Variants in DACH2 observed in about 807,000 individuals in gnomAD.
DACH2 encodes dachshund homolog 2.
A neutral mutation model predicts 35.8 loss-of-function variants in DACH2; 17 were observed. That is an observed-to-expected ratio of 0.48 (90% confidence interval 0.33 to 0.71). The LOEUF is 0.71. Among genes scored for constraint, DACH2 ranks in the 30% least tolerant of loss-of-function variants. DACH2 has a pLI of 0.02. For missense variants in DACH2, 469 were observed against 472.7 expected, an observed-to-expected ratio of 0.99 and a Z score of 0.07; for synonymous variants, 195 against 177.3, an observed-to-expected ratio of 1.10 and a Z score of -0.79.
chrX:86,626,591 C>A (rs2040140954), intron 3 of DACH2, among the ~76,000 whole-genome samples: 1 of 113,150 alleles, frequency 8.8e-6, no homozygotes, highest in African/African-American at 3.2e-5. Flanking sequence ...CCTGCCCCTG[C>A]AGCAAGCTTC....
At chrX:86,156,451 G>A (rs1013723573) in intron 1 of DACH2, among the ~76,000 whole-genome samples, 6 of 111,330 alleles carry the variant, frequency 5.4e-5, no homozygotes, top group Non-Finnish European at 1.1e-4. Flanking sequence ...TGCAGTTATT[G>A]AAGATATACT....
chrX:86,447,127 C>A (rs1298355146), intron 2 of DACH2, among the ~76,000 whole-genome samples: 25 of 99,405 alleles, frequency 2.5e-4, no homozygotes, highest in Non-Finnish European at 4.4e-4. Flanking sequence ...CCTTTGCCCA[C>A]TTTTTGATGG....
chrX:86,422,818 C>G (rs1569393294), intron 2 of DACH2, among the ~76,000 whole-genome samples: 1 of 111,033 alleles, frequency 9.0e-6, no homozygotes, highest in Non-Finnish European at 1.9e-5. Context: ...CCAAAGTCCA[C>G]CACTATCTTT....
chrX:86,546,985 C>T (rs5967737), intron 3 of DACH2, among the ~76,000 whole-genome samples: 21,059 of 110,429 alleles, frequency 0.19, 1,549 homozygotes, highest in East Asian at 0.28. Context: ...CCTCCCTTGC[C>T]CTGGTTGTGT....
In DACH2 at chrX:86,680,063, A is replaced by C. The variant is rs894878030; in HGVS notation, c.773-14958A>C. 2.7e-5 allele frequency among the ~76,000 whole-genome samples: 3 copies of C among 111,735 alleles called. No homozygotes were observed. In the Admixed American group the frequency reaches 2.9e-4, roughly 11 times the overall value. On this transcript the variant is annotated intron_variant, in intron 4 of 11. Coordinates refer to ENST00000373125, the MANE Select transcript of DACH2 (RefSeq NM_053281.3). ...TACTATACATAGTATGAAGAGACCAACTCAAATAATTTAATGATGGCAAAA... is the reference window on the plus strand; with the variant it reads ...TACTATACATAGTATGAAGAGACCACCTCAAATAATTTAATGATGGCAAAA...
intron 2 of DACH2, among the ~76,000 whole-genome samples, chrX:86,444,251 AATT>A (rs977518517): frequency 3.6e-5 from 4 of 110,724 alleles, no homozygotes; most frequent in African/African-American, 1.3e-4. Context: ...ATAACTGGTA[AATT>A]ATTATTATTA....
chrX:86,624,621 C>T (rs1232673073), intron 3 of DACH2, among the ~76,000 whole-genome samples: 2 of 111,726 alleles, frequency 1.8e-5, no homozygotes, highest in Admixed American at 1.9e-4. Context: ...GAAACACAGT[C>T]TTCCAACAAT....
intron 2 of DACH2, among the ~76,000 whole-genome samples, chrX:86,418,377 C>T (rs1336254233): frequency 8.9e-6 from 1 of 112,319 alleles, no homozygotes; most frequent in Non-Finnish European, 1.9e-5. Context: ...AGAACCCTTT[C>T]CCTGCAGCAA....
intron 2 of DACH2, among the ~76,000 whole-genome samples, chrX:86,495,669 C>T (rs1297608241): frequency 9.1e-6 from 1 of 109,834 alleles, no homozygotes; most frequent in African/African-American, 3.3e-5. Context: ...GAAAATTAAC[C>T]TGGTACGGTG....
At chrX:86,459,457 A>C (rs1433449755) in intron 2 of DACH2, among the ~76,000 whole-genome samples, 7 of 111,876 alleles carry the variant, frequency 6.3e-5, no homozygotes, top group Non-Finnish European at 1.3e-4. Flanking sequence ...ACCATGTTTT[A>C]GGCTTTATCT....
intron 1 of DACH2, among the ~76,000 whole-genome samples, chrX:86,183,637 C>G (rs2031576108): frequency 9.0e-6 from 1 of 111,230 alleles, no homozygotes; most frequent in Admixed American, 9.6e-5. Flanking sequence ...TGAAATTTTC[C>G]TTTTTTGTTG....
chrX:86,387,313 T>G (rs1452272507), intron 2 of DACH2, among the ~76,000 whole-genome samples: 1 of 111,742 alleles, frequency 8.9e-6, no homozygotes, highest in East Asian at 2.8e-4. Context: ...TTAATTTGCT[T>G]TGTGATTCTA....
intron 2 of DACH2, among the ~76,000 whole-genome samples, chrX:86,389,582 G>A (rs1185230720): frequency 8.9e-6 from 1 of 112,113 alleles, no homozygotes; most frequent in East Asian, 2.8e-4. Context: ...TTTGTAATTA[G>A]TATTTATGGC....
intron 5 of DACH2, among the ~76,000 whole-genome samples, chrX:86,699,741 A>G (rs1237518951): frequency 1.8e-5 from 2 of 111,707 alleles, no homozygotes; most frequent in Non-Finnish European, 3.8e-5. Context: ...GTCTTCTGAC[A>G]TGTTTGGGGT....
At chrX:86,336,758 T>G (rs2035318939) in intron 1 of DACH2, among the ~76,000 whole-genome samples, 2 of 109,864 alleles carry the variant, frequency 1.8e-5, no homozygotes, top group Admixed American at 2.0e-4. Flanking sequence ...CTTCAGAAGG[T>G]GGATAATAAT....
chrX:86,417,926 C>A (rs1036498651), intron 2 of DACH2, among the ~76,000 whole-genome samples: 7 of 111,851 alleles, frequency 6.3e-5, no homozygotes, highest in Non-Finnish European at 1.3e-4. Flanking sequence ...TTCCTAGATA[C>A]AATGGGGGTA....
intron 2 of DACH2, among the ~76,000 whole-genome samples, 178 bp from the exon 3 acceptor site, chrX:86,514,101 A>G (rs374988718): frequency 1.0e-3 from 115 of 112,203 alleles, no homozygotes; most frequent in African/African-American, 3.2e-3. Context: ...ACAATGGTGG[A>G]AAATTTAGCG....
intron 5 of DACH2, among the ~76,000 whole-genome samples, chrX:86,697,143 G>A (rs1243253761): frequency 9.0e-6 from 1 of 111,684 alleles, no homozygotes; most frequent in Non-Finnish European, 1.9e-5. Flanking sequence ...CAAGGATACA[G>A]GCTCACTAAG....
At chrX:86,554,953 A>G (rs781476514) in intron 3 of DACH2, among the ~76,000 whole-genome samples, 1 of 112,173 alleles carries the variant, frequency 8.9e-6, no homozygotes, top group East Asian at 2.8e-4. Flanking sequence ...ATAAGAAAAT[A>G]GATTTTGTTG....
Sources: allele counts gnomAD v4.1 joint callset (sites outside exome capture counted in the v4.1 genomes callset), GRCh38; gene constraint gnomAD v4.1.1; transcripts MANE v1.5; gene names NCBI Gene and HGNC (gene_info 2026-07-23, HGNC 2026-07-21).